The following CD3E variants were observed in gnomAD, a reference collection of about 807,000 sequenced individuals.
CD3E encodes the protein CD3 epsilon subunit of T-cell receptor complex.
In CD3E, 16 loss-of-function variants were observed where a neutral mutation model predicts 34.7. The observed-to-expected ratio is 0.46, with a 90% CI of 0.31 to 0.70. The LOEUF is 0.70. Ranked by LOEUF, CD3E falls within the 30% of genes least tolerant of loss-of-function variation. The pLI, the probability that CD3E is intolerant of heterozygous loss-of-function variation, is 0.05. For missense variants in CD3E, 223 were observed against 253.9 expected, an observed-to-expected ratio of 0.88 and a Z score of 0.83; for synonymous variants, 70 against 90.8, an observed-to-expected ratio of 0.77 and a Z score of 1.30.
rs1948139067 is a variant in CD3E at position 118,312,167 on chromosome 11, A to C, written c.100A>C (p.Thr34Pro). Reference protein sequence around the residue: ...GNEEMGGITQTPYKVSISGTT... With the variant: ...GNEEMGGITQPPYKVSISGTT... Reference sequence around the variant, plus strand: ...TTCATTTTCAGGTGGTATTACACAGACACGTGAGTTTATTGGTCTTTTATT... The same window carrying C: ...TTCATTTTCAGGTGGTATTACACAGCCACGTGAGTTTATTGGTCTTTTATT... The change falls in exon 5 of 9, where the codon ACA (threonine) becomes CCA (proline). Residue 34 changes from threonine to proline, a missense_variant. Coordinates refer to ENST00000361763, the MANE Select transcript of CD3E (RefSeq NM_000733.4). 6.2e-7 allele frequency: 1 copy of C among 1,611,880 alleles called. No individual in the cohort carries two copies. The highest frequency in any genetic ancestry group is 1.1e-5 in the South Asian group (1 of 91,042).
intron 7 of CD3E, 146 bp from the exon 8 acceptor site, chr11:118,314,302 G>A: frequency 2.8e-6 from 2 of 713,626 alleles, no homozygotes; most frequent in Admixed American, 2.2e-5. Flanking sequence ...GAAAAAAAAA[G>A]AGAAAGGACG....
intron 2 of CD3E, 105 bp downstream of exon 2, chr11:118,305,106 T>G: frequency 9.8e-7 from 1 of 1,018,630 alleles, no homozygotes; most frequent in Non-Finnish European, 1.6e-6. Flanking sequence ...ATTTACCAGA[T>G]GTAAGGAACT....
chr11:118,308,883 G>A (rs1225519562), intron 4 of CD3E, among the ~76,000 whole-genome samples: 1 of 152,190 alleles, frequency 6.6e-6, no homozygotes, highest in Admixed American at 6.5e-5. Flanking sequence ...AATATAGTGA[G>A]TTGCATGTTA....
chr11:118,310,944 A>T (rs1198476508), intron 4 of CD3E, among the ~76,000 whole-genome samples: 2 of 152,194 alleles, frequency 1.3e-5, no homozygotes, highest in African/African-American at 4.8e-5. Flanking sequence ...ACTGGGTCAG[A>T]GTTTAGTTCT....
chr11:118,305,924 CT>C (rs1948102956), intron 2 of CD3E, among the ~76,000 whole-genome samples: 1 of 152,180 alleles, frequency 6.6e-6, no homozygotes, highest in Non-Finnish European at 1.5e-5. Context: ...GCAACGATGT[CT>C]CCACTTCCTG....
At chr11:118,315,106 A>ATT (rs1381124828) in intron 8 of CD3E, among the ~76,000 whole-genome samples, 1 of 151,990 alleles carries the variant, frequency 6.6e-6, no homozygotes, top group Non-Finnish European at 1.5e-5. Flanking sequence ...GTTCTAGTTG[A>ATT]TTGGTATGTG....
intron 6 of CD3E, chr11:118,313,101 C>A: frequency 1.8e-6 from 1 of 568,500 alleles, no homozygotes; most frequent in Non-Finnish European, 3.2e-6. Context: ...TCTAAAATAG[C>A]AACTCCCTAA....
chr11:118,314,354 T>C (rs1467034837), intron 7 of CD3E, 94 bp from the exon 8 acceptor site: 1 of 1,004,676 alleles, frequency 1.0e-6, no homozygotes, highest in East Asian at 2.5e-5. Context: ...AACAATGGGG[T>C]TTGCCATTCT....
chr11:118,308,635 T>C (rs1332480388), intron 4 of CD3E, among the ~76,000 whole-genome samples, 194 bp downstream of exon 4: 2 of 152,218 alleles, frequency 1.3e-5, no homozygotes, highest in Non-Finnish European at 2.9e-5. Context: ...TGTGCATATA[T>C]GTATCTCTGA....
intron 4 of CD3E, among the ~76,000 whole-genome samples, chr11:118,309,096 T>C (rs1448777206): frequency 6.6e-6 from 1 of 152,206 alleles, no homozygotes; most frequent in Non-Finnish European, 1.5e-5. Flanking sequence ...CTGAGCTAGA[T>C]CAGAATGTTT....
At chr11:118,315,449 C>G in intron 8 of CD3E, 37 bp from the exon 9 acceptor site, 1 of 1,588,652 alleles carries the variant, frequency 6.3e-7, no homozygotes, top group South Asian at 1.1e-5. Context: ...TACTTCCTCC[C>G]GCACCACTGA....
At chr11:118,307,333 T>G (rs1379406747) in intron 3 of CD3E, 25 bp downstream of exon 3, 1 of 1,592,218 alleles carries the variant, frequency 6.3e-7, no homozygotes, top group East Asian at 2.2e-5. Flanking sequence ...CTTTCTTTCT[T>G]TTTTATGAAA....
At chr11:118,307,487 G>A (rs1948113712) in intron 3 of CD3E, among the ~76,000 whole-genome samples, 179 bp downstream of exon 3, 1 of 152,118 alleles carries the variant, frequency 6.6e-6, no homozygotes, top group Non-Finnish European at 1.5e-5. Context: ...GCCCAGAAGA[G>A]GGAAGCAACA....
intron 7 of CD3E, 125 bp from the exon 8 acceptor site, chr11:118,314,323 A>G: frequency 1.3e-6 from 1 of 779,950 alleles, no homozygotes; most frequent in South Asian, 1.5e-5. Flanking sequence ...TCTGAACAGA[A>G]AAGGGAGCGG....
chr11:118,312,379 C>A (rs751253236), intron 5 of CD3E: 15 of 711,026 alleles, frequency 2.1e-5, no homozygotes, highest in East Asian at 5.2e-5. Flanking sequence ...CATGTCCCTG[C>A]GTAAACCCTA....
In CD3E at chr11:118,314,960, T is replaced by TAC. The variant is rs58102034; in HGVS notation, c.568-487_568-486dup. Reference sequence around the variant, plus strand: ...CCCAACCCACCCTTACACACACACATACACACACACACACACACACACACA... The same window carrying TAC: ...CCCAACCCACCCTTACACACACACATACACACACACACACACACACACACACA... On this transcript the variant is annotated intron_variant, in intron 8 of 8. Transcript: ENST00000361763. Among the ~76,000 whole-genome samples, 1,210 of 143,724 alleles carry TAC rather than the reference T, an allele frequency of 8.4e-3. 15 individuals are homozygous for TAC. Among genetic ancestry groups the TAC allele is most frequent in the African/African-American group, 0.02 (774 of 38,190 alleles). 94.3% of individuals were successfully genotyped at this position (143,724 alleles called of 152,430 possible).
chr11:118,309,053 A>T (rs1948122207), intron 4 of CD3E, among the ~76,000 whole-genome samples: 1 of 152,196 alleles, frequency 6.6e-6, no homozygotes, highest in Non-Finnish European at 1.5e-5. Flanking sequence ...TGCAGAAGAG[A>T]TAAAGCTGTA....
At position 118,306,637 on chromosome 11, in the gene CD3E, G is replaced by A. The variant is rs146411033; in HGVS notation, c.50-651G>A. On this transcript the variant is annotated intron_variant, in intron 2 of 8. Coordinates refer to ENST00000361763, the MANE Select transcript of CD3E (RefSeq NM_000733.4). ...GGATCCTGTCTCCCCCTGTGTAGAG[G>A]TTTCAGTAAAAGAAAGGCCTAGGTG... Among the ~76,000 whole-genome samples, 122 of 152,188 alleles carry A rather than the reference G, an allele frequency of 8.0e-4. 1 individual carries two copies. Among genetic ancestry groups the A allele is most frequent in the African/African-American group, 2.6e-3 (106 of 41,532 alleles).
intron 5 of CD3E, 194 bp downstream of exon 5, chr11:118,312,364 G>C (rs1948140218): frequency 1.4e-6 from 1 of 726,982 alleles, no homozygotes; most frequent in Admixed American, 2.3e-5. Flanking sequence ...CCCTTCCCAA[G>C]TCCCCATGTC....
Sources: allele counts gnomAD v4.1 joint callset (sites outside exome capture counted in the v4.1 genomes callset), GRCh38; gene constraint gnomAD v4.1.1; transcripts MANE v1.5; gene names NCBI Gene and HGNC (gene_info 2026-07-23, HGNC 2026-07-21).